Variants in LRRC4C observed in about 807,000 individuals in gnomAD.
LRRC4C encodes the protein leucine rich repeat containing 4C, also known as leucine-rich repeat-containing protein 4C.
LRRC4C carries 5 observed loss-of-function variants against 33.6 expected under a neutral mutation model. The observed-to-expected ratio is 0.15, with a 90% CI of 0.08 to 0.31. LRRC4C has a LOEUF of 0.31. LRRC4C is among the 10% of genes least tolerant of loss of function. LRRC4C has a pLI of 1.00. For synonymous variants in LRRC4C, 329 were observed against 302.0 expected (o/e 1.09, Z -0.93); for missense variants, 560 against 796.7 (o/e 0.70, Z 3.58).
At chr11:40,815,307 G>A (rs1156754754) in intron 2 of LRRC4C, among the ~76,000 whole-genome samples, 1 of 152,078 alleles carries the variant, frequency 6.6e-6, no homozygotes, top group Non-Finnish European at 1.5e-5. Flanking sequence ...GAACAGCACA[G>A]GAAAAACTTG....
chr11:40,875,470 G>C (rs1395108972), intron 2 of LRRC4C, among the ~76,000 whole-genome samples: 1 of 152,188 alleles, frequency 6.6e-6, no homozygotes, highest in Non-Finnish European at 1.5e-5. Context: ...CTCTAGGATA[G>C]TAGTATGACC....
At chr11:40,573,700 TA>T (rs1346811688) in intron 3 of LRRC4C, among the ~76,000 whole-genome samples, 1 of 152,280 alleles carries the variant, frequency 6.6e-6, no homozygotes, top group African/African-American at 2.4e-5. Flanking sequence ...CACAGTACAT[TA>T]CACATGAAAG....
At chr11:41,092,004 C>T (rs1345418468) in intron 1 of LRRC4C, among the ~76,000 whole-genome samples, 1 of 151,996 alleles carries the variant, frequency 6.6e-6, no homozygotes, top group African/African-American at 2.4e-5. Flanking sequence ...TAAAAATATA[C>T]AAATATAATT....
At chr11:41,235,219 T>G (rs1309419152) in intron 1 of LRRC4C, among the ~76,000 whole-genome samples, 1 of 151,992 alleles carries the variant, frequency 6.6e-6, no homozygotes, top group African/African-American at 2.4e-5. Context: ...CATTAAAAAG[T>G]GACAAAAGAG....
At chr11:40,305,754 A>AT (rs1173604668) in intron 4 of LRRC4C, among the ~76,000 whole-genome samples, 7 of 152,184 alleles carry the variant, frequency 4.6e-5, no homozygotes, top group Admixed American at 4.6e-4. Flanking sequence ...TTGGTAAGTT[A>AT]TTTAACCTCT....
chr11:41,190,776 G>T (rs1465571206), intron 1 of LRRC4C, among the ~76,000 whole-genome samples: 3 of 152,150 alleles, frequency 2.0e-5, no homozygotes, highest in South Asian at 2.1e-4. Context: ...TGCTGTATCT[G>T]CAGAATGTTG....
At chr11:41,036,390 C>A (rs1374614477) in intron 1 of LRRC4C, among the ~76,000 whole-genome samples, 2 of 151,912 alleles carry the variant, frequency 1.3e-5, no homozygotes, top group Non-Finnish European at 2.9e-5. Context: ...TATTTACATT[C>A]ACTTTCTTCC....
chr11:41,054,439 T>C (rs964187468), intron 1 of LRRC4C, among the ~76,000 whole-genome samples: 1 of 152,220 alleles, frequency 6.6e-6, no homozygotes, highest in African/African-American at 2.4e-5. Context: ...TTTTTAGAAC[T>C]GGTTCCTTAG....
intron 2 of LRRC4C, among the ~76,000 whole-genome samples, chr11:40,769,594 T>G (rs1334018824): frequency 6.6e-6 from 1 of 152,090 alleles, no homozygotes; most frequent in Non-Finnish European, 1.5e-5. Flanking sequence ...ACAGAGCTAT[T>G]GTAACCAAAG....
At chr11:40,207,806 C>T (rs1331533866) in intron 5 of LRRC4C, among the ~76,000 whole-genome samples, 2 of 152,156 alleles carry the variant, frequency 1.3e-5, no homozygotes, top group African/African-American at 4.8e-5. Flanking sequence ...ACTTGATTCA[C>T]ACTCAGTTGA....
rs11035781 is a variant in LRRC4C at position 40,322,400 on chromosome 11, C to T, written c.-269-2679G>A. On this transcript the variant is annotated intron_variant, in intron 3 of 6. Coordinates refer to ENST00000528697, the MANE Select transcript of LRRC4C (RefSeq NM_001258419.2). ...AGCTGGGATTACACACATGTGCCAC[C>T]ATGCCTGGCTAATTTTTGTGTTTTT... is the stretch of plus-strand genomic sequence containing the variant. Among the ~76,000 whole-genome samples, 13 of 152,194 alleles carry T rather than the reference C, an allele frequency of 8.5e-5. No individual in the cohort carries two copies. In the East Asian group the frequency reaches 2.5e-3, roughly 30 times the overall value.
At chr11:40,359,898 T>C (rs1947869135) in intron 3 of LRRC4C, among the ~76,000 whole-genome samples, 1 of 152,170 alleles carries the variant, frequency 6.6e-6, no homozygotes, top group Non-Finnish European at 1.5e-5. Context: ...ATAATGCCTA[T>C]GAGATTCAAG....
At chr11:40,916,131 C>G (rs1956946717) in intron 2 of LRRC4C, among the ~76,000 whole-genome samples, 1 of 152,204 alleles carries the variant, frequency 6.6e-6, no homozygotes, top group Non-Finnish European at 1.5e-5. Context: ...TTGTGGAAGT[C>G]AGTGTAGCGA....
At chr11:41,156,361 A>C (rs1057320449) in intron 1 of LRRC4C, among the ~76,000 whole-genome samples, 3 of 152,200 alleles carry the variant, frequency 2.0e-5, no homozygotes, top group Non-Finnish European at 4.4e-5. Context: ...ACTTATAGAA[A>C]GCAAACAAAA....
At chr11:40,431,138 A>T (rs1454781163) in intron 3 of LRRC4C, among the ~76,000 whole-genome samples, 11 of 120,184 alleles carry the variant, frequency 9.2e-5, no homozygotes, top group East Asian at 2.2e-4. Context: ...ATTGTACTTT[A>T]AAAAAAAAAA....
At chr11:40,908,750 T>G (rs1336097422) in intron 2 of LRRC4C, among the ~76,000 whole-genome samples, 1 of 152,138 alleles carries the variant, frequency 6.6e-6, no homozygotes. Flanking sequence ...TTGATTTGAG[T>G]GTAACTTATT....
At chr11:40,691,036 T>C (rs773175809) in intron 2 of LRRC4C, among the ~76,000 whole-genome samples, 15 of 152,078 alleles carry the variant, frequency 9.9e-5, no homozygotes, top group Non-Finnish European at 1.9e-4. Flanking sequence ...CTGCTTGTTA[T>C]CTTCAACTTC....
intron 1 of LRRC4C, among the ~76,000 whole-genome samples, chr11:40,968,193 T>C (rs573178600): frequency 6.6e-6 from 1 of 152,242 alleles, no homozygotes; most frequent in Non-Finnish European, 1.5e-5. Context: ...AATATTTTCT[T>C]AAGCCAAAGC....
chr11:41,286,350 C>G (rs1211884256), intron 1 of LRRC4C, among the ~76,000 whole-genome samples: 1 of 152,126 alleles, frequency 6.6e-6, no homozygotes, highest in African/African-American at 2.4e-5. Context: ...TGAGTCAAAT[C>G]TCCGGGACTC....
Sources: gnomAD v4.1 joint callset for allele counts (sites outside exome capture counted in the v4.1 genomes callset) on GRCh38, gnomAD v4.1.1 for gene constraint, MANE v1.5 for transcripts, NCBI Gene and HGNC (gene_info 2026-07-23, HGNC 2026-07-21) for gene names.